GABRB1: variants seen among roughly 807,000 people sequenced by gnomAD.
GABRB1 encodes the protein gamma-aminobutyric acid type A receptor subunit beta1.
A neutral mutation model predicts 51.6 loss-of-function variants in GABRB1; 17 were observed. The observed-to-expected ratio is 0.33, with a 90% CI of 0.23 to 0.49. GABRB1 has a LOEUF of 0.49. Ranked by LOEUF, GABRB1 falls within the 20% of genes least tolerant of loss-of-function variation. The pLI, the probability that GABRB1 is intolerant of heterozygous loss-of-function variation, is 0.99. For missense variants in GABRB1, 410 were observed against 600.6 expected, an observed-to-expected ratio of 0.68 and a Z score of 3.32; for synonymous variants, 247 against 218.9, an observed-to-expected ratio of 1.13 and a Z score of -1.14.
At chr4:47,276,553 A>G (rs1162789016) in intron 4 of GABRB1, among the ~76,000 whole-genome samples, 1 of 152,068 alleles carries the variant, frequency 6.6e-6, no homozygotes, top group Non-Finnish European at 1.5e-5. Flanking sequence ...CTTTTTATAC[A>G]CTTTCACTTT....
At chr4:47,112,359 C>A (rs1235283215) in intron 3 of GABRB1, among the ~76,000 whole-genome samples, 4 of 152,204 alleles carry the variant, frequency 2.6e-5, no homozygotes, top group African/African-American at 9.7e-5. Context: ...ACTGCCTCAG[C>A]CTCCCAAGTG....
At chr4:47,164,440 T>C (rs1401152142) in intron 4 of GABRB1, among the ~76,000 whole-genome samples, 1 of 152,090 alleles carries the variant, frequency 6.6e-6, no homozygotes, top group Non-Finnish European at 1.5e-5. Flanking sequence ...GGCATATTTA[T>C]AGCTGTATTT....
At chr4:47,314,147 T>C (rs997258241) in intron 4 of GABRB1, among the ~76,000 whole-genome samples, 14 of 152,036 alleles carry the variant, frequency 9.2e-5, no homozygotes, top group African/African-American at 3.4e-4. Flanking sequence ...GATCGTAGTT[T>C]AAAAAACAAT....
At chr4:47,106,197 G>C (rs1458500299) in intron 3 of GABRB1, among the ~76,000 whole-genome samples, 1 of 151,944 alleles carries the variant, frequency 6.6e-6, no homozygotes, top group Admixed American at 6.6e-5. Context: ...AAATACTTCT[G>C]TTTTTATGTC....
At chr4:47,077,929 T>C (rs1269546396) in intron 3 of GABRB1, among the ~76,000 whole-genome samples, 1 of 128,796 alleles carries the variant, frequency 7.8e-6, no homozygotes, top group East Asian at 2.1e-4. Flanking sequence ...ATTTTATATA[T>C]ATTATATATT....
At chr4:47,161,840 T>C (rs1717969763) in intron 4 of GABRB1, among the ~76,000 whole-genome samples, 1 of 152,072 alleles carries the variant, frequency 6.6e-6, no homozygotes, top group Admixed American at 6.6e-5. Context: ...TTTCAGAGTG[T>C]TCATAAGCCC....
intron 3 of GABRB1, among the ~76,000 whole-genome samples, chr4:47,102,756 C>G (rs138875824): frequency 6.6e-6 from 1 of 151,932 alleles, no homozygotes; most frequent in African/African-American, 2.4e-5. Context: ...AAACAAAGAA[C>G]TTAAAGCATC....
Position 47,042,441 on chromosome 4 carries a change from A to ATATAT in GABRB1, c.240+9957_240+9958insTATAT, listed in dbSNP as rs369535271. Among the ~76,000 whole-genome samples the ATATAT allele has an allele frequency of 9.5e-3, 1,113 of 116,952 alleles. 25 individuals carry two copies. The highest frequency in any genetic ancestry group is 0.014 in the Non-Finnish European group (789 of 54,792). 76.7% of individuals were successfully genotyped at this position (116,952 alleles called of 152,430 possible). ...ATATATATATATATATATATATATA[A>ATATAT]AATACGTGTGTGAGTATGTGCACAG... On this transcript the variant is annotated intron_variant, in intron 3 of 8. Coordinates refer to ENST00000295454, the MANE Select transcript of GABRB1 (RefSeq NM_000812.4).
chr4:47,077,043 A>G (rs969623324), intron 3 of GABRB1, among the ~76,000 whole-genome samples: 3 of 152,216 alleles, frequency 2.0e-5, no homozygotes, highest in Non-Finnish European at 4.4e-5. Context: ...ACCTGTTTTC[A>G]TCCTCTCTTC....
chr4:47,410,249 C>A (rs139368055), intron 8 of GABRB1, among the ~76,000 whole-genome samples: 7 of 152,144 alleles, frequency 4.6e-5, no homozygotes, highest in South Asian at 2.1e-4. Context: ...ATAATTCTGA[C>A]AAAATTCAAA....
chr4:47,086,469 A>G (rs560579379), intron 3 of GABRB1, among the ~76,000 whole-genome samples: 1 of 152,318 alleles, frequency 6.6e-6, no homozygotes, highest in East Asian at 1.9e-4. Context: ...TTAACTGAAA[A>G]ACGTGAACAC....
Position 47,021,233 on chromosome 4 carries a change from AATTT to A in GABRB1, c.-19-10669_-19-10666del, listed in dbSNP as rs539689995. 1.5e-3 allele frequency among the ~76,000 whole-genome samples: 223 copies of A among 152,212 alleles called. 1 individual carries two copies. The highest frequency in any genetic ancestry group is 3.2e-3 in the Admixed American group (49 of 15,268). ...CCATCCTCTTTACTAAATATTGCTA[AATTT>A]ATTTATTTATTCATCTATTCAACAA... On this transcript the variant is annotated intron_variant, in intron 1 of 3. Coordinates refer to the GABRB1 transcript ENST00000513567.
At chr4:47,371,376 T>C (rs1253228826) in intron 5 of GABRB1, among the ~76,000 whole-genome samples, 1 of 152,216 alleles carries the variant, frequency 6.6e-6, no homozygotes. Context: ...TTTGCCATTA[T>C]GAATAGTGCT....
At chr4:47,229,379 A>G (rs184492875) in intron 4 of GABRB1, among the ~76,000 whole-genome samples, 1 of 152,292 alleles carries the variant, frequency 6.6e-6, no homozygotes, top group Admixed American at 6.5e-5. Context: ...TTTGGCACAC[A>G]TGCATTACCA....
At chr4:47,091,338 G>C (rs926858124) in intron 3 of GABRB1, among the ~76,000 whole-genome samples, 4 of 151,648 alleles carry the variant, frequency 2.6e-5, no homozygotes, top group Non-Finnish European at 5.9e-5. Context: ...TGATATATTG[G>C]CTTTAAGAGG....
chr4:47,133,081 TTTTTATG>T (rs1266764861), intron 3 of GABRB1, among the ~76,000 whole-genome samples: 1 of 152,220 alleles, frequency 6.6e-6, no homozygotes, highest in Non-Finnish European at 1.5e-5. Context: ...GCATATTATG[TTTTTATG>T]TTTTAATTTG....
chr4:47,104,781 A>AT (rs1207501852), intron 3 of GABRB1, among the ~76,000 whole-genome samples: 5 of 151,838 alleles, frequency 3.3e-5, no homozygotes, highest in Admixed American at 6.6e-5. Flanking sequence ...TTTGTGTTTC[A>AT]TTTTTTCTTA....
chr4:47,306,743 T>G (rs1210014431), intron 4 of GABRB1, among the ~76,000 whole-genome samples: 3 of 152,184 alleles, frequency 2.0e-5, no homozygotes, highest in East Asian at 1.9e-4. Flanking sequence ...CTCTTCTTTT[T>G]TTTGTTTGTT....
intron 3 of GABRB1, among the ~76,000 whole-genome samples, chr4:47,039,612 C>G (rs933361877): frequency 4.0e-5 from 6 of 151,898 alleles, no homozygotes; most frequent in Admixed American, 1.3e-4. Context: ...TATGGGAGCA[C>G]CAGTTGGTAG....
Sources: allele counts gnomAD v4.1 joint callset (sites outside exome capture counted in the v4.1 genomes callset), GRCh38; gene constraint gnomAD v4.1.1; transcripts MANE v1.5; gene names NCBI Gene and HGNC (gene_info 2026-07-23, HGNC 2026-07-21).